Variants in CADM1 observed in about 807,000 individuals in gnomAD.
The protein encoded by CADM1 is TSLC-1.
CADM1 carries 15 observed loss-of-function variants against 53.1 expected under a neutral mutation model. That is an observed-to-expected ratio of 0.28 (90% CI 0.19 to 0.44). CADM1 has a LOEUF of 0.44. Ranked by LOEUF, CADM1 falls within the 20% of genes least tolerant of loss-of-function variation. The pLI, the probability that CADM1 is intolerant of heterozygous loss-of-function variation, is 1.00. For synonymous variants in CADM1, 281 were observed against 243.0 expected, an observed-to-expected ratio of 1.16 and a Z score of -1.45; for missense variants, 434 against 611.3, an observed-to-expected ratio of 0.71 and a Z score of 3.06.
intron 1 of CADM1, among the ~76,000 whole-genome samples, chr11:115,340,649 TA>T (rs1181150765): frequency 0.047 from 2,409 of 51,088 alleles, 134 homozygotes; most frequent in Non-Finnish European, 0.065. Context: ...TATATATATA[TA>T]TATATATATT....
rs538288435 is a variant in CADM1, at chr11:115,311,065, G to C, written c.125-70645C>G. ...TCGTGATATGATATCCCTACAAAGA[G>C]AGAGAAAGATTATCTTATTATCTCC... On this transcript the variant is annotated intron_variant, in intron 1 of 11. Transcript: ENST00000331581. Among the ~76,000 whole-genome samples, 46 of 152,266 alleles carry C rather than the reference G, an allele frequency of 3.0e-4. No homozygotes were observed. The South Asian group carries it at 7.0e-3, about 23-fold the overall frequency.
intron 1 of CADM1, among the ~76,000 whole-genome samples, chr11:115,309,514 T>A (rs1215842680): frequency 1.3e-5 from 2 of 152,160 alleles, no homozygotes; most frequent in African/African-American, 4.8e-5. Flanking sequence ...AGAAGTTTAA[T>A]AACGGATTTC....
chr11:115,223,361 T>C (rs1329576537), intron 5 of CADM1, among the ~76,000 whole-genome samples: 1 of 152,170 alleles, frequency 6.6e-6, no homozygotes, highest in Non-Finnish European at 1.5e-5. Flanking sequence ...GACCATTCCT[T>C]TTAGATTTTT....
intron 9 of CADM1, among the ~76,000 whole-genome samples, chr11:115,195,065 A>G (rs1331337603): frequency 6.6e-6 from 1 of 152,228 alleles, no homozygotes; most frequent in African/African-American, 2.4e-5. Flanking sequence ...ATGAGCTCCA[A>G]AAACACAAAT....
At chr11:115,492,396 T>A in intron 1 of CADM1, among the ~76,000 whole-genome samples, 1 of 152,204 alleles carries the variant, frequency 6.6e-6, no homozygotes, top group East Asian at 1.9e-4. Flanking sequence ...GTTTTGATTT[T>A]GAGCCACGTT....
chr11:115,323,271 C>T (rs1225585972), intron 1 of CADM1, among the ~76,000 whole-genome samples: 1 of 152,076 alleles, frequency 6.6e-6, no homozygotes, highest in African/African-American at 2.4e-5. Flanking sequence ...AACTTTTAGT[C>T]AACTATTCGG....
intron 1 of CADM1, among the ~76,000 whole-genome samples, chr11:115,363,470 G>A (rs141901867): frequency 7.9e-5 from 12 of 152,248 alleles, no homozygotes; most frequent in African/African-American, 2.4e-4. Context: ...GACAGTGATC[G>A]ATTTGTTTGT....
chr11:115,284,114 C>CTCTCTCTGTG (rs1351842329), intron 1 of CADM1, among the ~76,000 whole-genome samples: 1 of 98,614 alleles, frequency 1.0e-5, no homozygotes, highest in Non-Finnish European at 2.1e-5. Context: ...CTCTCTCTCT[C>CTCTCTCTGTG]TGTGTGTGTG....
At chr11:115,319,610 G>A (rs1014425234) in intron 1 of CADM1, among the ~76,000 whole-genome samples, 16 of 152,036 alleles carry the variant, frequency 1.1e-4, no homozygotes, top group Non-Finnish European at 1.8e-4. Flanking sequence ...ACAGTCACAC[G>A]GCTAATAAGT....
At position 115,206,009 on chromosome 11, in the gene CADM1, T is replaced by A. The variant is rs77359559; in HGVS notation, c.1078+3565A>T. On this transcript the variant is annotated intron_variant, in intron 8 of 11. Transcript: ENST00000331581. ...GGAAATCCATCTGAGACACCTAACC[T>A]ACCAAACATCACAGCTTAGCATAGC... Among the ~76,000 whole-genome samples, 1,267 of 152,258 alleles carry A rather than the reference T, an allele frequency of 8.3e-3. 13 individuals carry two copies. The highest frequency in any genetic ancestry group is 0.029 in the African/African-American group (1,198 of 41,544).
intron 1 of CADM1, among the ~76,000 whole-genome samples, chr11:115,493,477 G>A (rs1004708436): frequency 6.6e-6 from 1 of 152,038 alleles, no homozygotes; most frequent in Admixed American, 6.5e-5. Flanking sequence ...AGATCTTCAG[G>A]CTCAAAACTA....
At chr11:115,295,527 TA>T (rs1164914748) in intron 1 of CADM1, among the ~76,000 whole-genome samples, 40 of 83,290 alleles carry the variant, frequency 4.8e-4, no homozygotes, top group African/African-American at 5.9e-4. Flanking sequence ...TATATATATA[TA>T]TATATATATA....
intron 10 of CADM1, among the ~76,000 whole-genome samples, chr11:115,184,469 AT>A (rs755710481): frequency 1.3e-5 from 2 of 152,212 alleles, no homozygotes; most frequent in Non-Finnish European, 2.9e-5. Flanking sequence ...CTGACATTTA[AT>A]TCCCTCTTGT....
At chr11:115,481,050 ACCTC>A (rs1440188826) in intron 1 of CADM1, among the ~76,000 whole-genome samples, 2 of 150,908 alleles carry the variant, frequency 1.3e-5, no homozygotes, top group Non-Finnish European at 3.0e-5. Context: ...ACCTTCTCAC[ACCTC>A]CCTAATTCAA....
intron 1 of CADM1, among the ~76,000 whole-genome samples, chr11:115,262,974 T>G (rs1044147925): frequency 5.3e-5 from 8 of 152,262 alleles, no homozygotes; most frequent in Non-Finnish European, 8.8e-5. Context: ...CAACACTGCA[T>G]GATTGTGACA....
Position 115,169,608 on chromosome 11 carries a change from G to C in CADM1, c.*6866C>G, listed in dbSNP as rs1412916203. The C allele has an allele frequency of 2.2e-6, 1 of 456,538 alleles. No individual in the cohort carries two copies. The highest frequency in any genetic ancestry group is 2.0e-5 in the African/African-American group (1 of 50,064). The allele number at this position is 456,538 out of a possible 1,614,324, so 28.3% of individuals were successfully genotyped here. On this transcript the variant is annotated 3_prime_UTR_variant, in exon 12 of 12. Coordinates refer to ENST00000331581, the MANE Select transcript of CADM1 (RefSeq NM_001301043.2). ...CCCTCATCACTTTATTCTGGGAGAG[G>C]AGGTTAGAGAAAACAGGCCTAGAGA...
intron 1 of CADM1, among the ~76,000 whole-genome samples, chr11:115,271,888 A>T (rs1943309307): frequency 6.6e-6 from 1 of 152,216 alleles, no homozygotes; most frequent in Non-Finnish European, 1.5e-5. Context: ...ATCTTTAATT[A>T]GTCTCAATAG....
rs1355374018 is a variant in CADM1, at chr11:115,176,106, G to C, written c.*368C>G. 2.8e-6 allele frequency: 3 copies of C among 1,083,514 alleles called. No individual in the cohort carries two copies. In the African/African-American group the frequency reaches 5.0e-5, roughly 18 times the overall value. The allele number at this position is 1,083,514 out of a possible 1,614,324, so 67.1% of individuals were successfully genotyped here. On this transcript the variant is annotated 3_prime_UTR_variant, in exon 12 of 12. Coordinates refer to ENST00000331581, the MANE Select transcript of CADM1 (RefSeq NM_001301043.2). ...GAGATTTTGGAAAAAATCCGAAATT[G>C]GGGTAGAGGGAGGAAATAAATGTGC... is the stretch of plus-strand genomic sequence containing the variant.
At chr11:115,348,032 A>G (rs544066504) in intron 1 of CADM1, among the ~76,000 whole-genome samples, 4 of 152,348 alleles carry the variant, frequency 2.6e-5, no homozygotes, top group African/African-American at 9.6e-5. Flanking sequence ...AATGTATTCA[A>G]AAGAACAGAT....
Sources: gnomAD v4.1 joint callset for allele counts (sites outside exome capture counted in the v4.1 genomes callset) on GRCh38, gnomAD v4.1.1 for gene constraint, MANE v1.5 for transcripts, NCBI Gene and HGNC (gene_info 2026-07-23, HGNC 2026-07-21) for gene names.